ITSN2: variants seen among roughly 807,000 people sequenced by gnomAD.
ITSN2 encodes the protein intersectin 2.
A neutral mutation model predicts 243.7 loss-of-function variants in ITSN2; 156 were observed. The observed-to-expected ratio is 0.64, with a 90% CI of 0.56 to 0.73. The LOEUF (loss-of-function observed/expected upper bound fraction) is 0.73. Among genes scored for constraint, ITSN2 ranks in the 30% least tolerant of loss-of-function variants. ITSN2 has a pLI of 0.00. For synonymous variants in ITSN2, 703 were observed against 699.9 expected, an observed-to-expected ratio of 1.00 and a Z score of -0.07; for missense variants, 1,801 against 1,996.1, an observed-to-expected ratio of 0.90 and a Z score of 1.86.
At chr2:24,292,145 G>A (rs1680333702) in intron 15 of ITSN2, among the ~76,000 whole-genome samples, 1 of 152,072 alleles carries the variant, frequency 6.6e-6, no homozygotes. Flanking sequence ...GGCATCTAAG[G>A]GATACAGGGT....
chr2:24,278,508 T>C (rs1678318270), intron 17 of ITSN2, among the ~76,000 whole-genome samples: 3 of 152,184 alleles, frequency 2.0e-5, no homozygotes. Flanking sequence ...TCTATTTGAC[T>C]ATGGTGATGT....
chr2:24,244,224 T>C (rs2151276697), intron 29 of ITSN2, among the ~76,000 whole-genome samples: 1 of 152,292 alleles, frequency 6.6e-6, no homozygotes, highest in Admixed American at 6.5e-5. Flanking sequence ...GAATAAAAAA[T>C]TGTCACTCAA....
At chr2:24,355,099 C>T (rs1002173990) in intron 1 of ITSN2, among the ~76,000 whole-genome samples, 1 of 152,138 alleles carries the variant, frequency 6.6e-6, no homozygotes, top group Non-Finnish European at 1.5e-5. Flanking sequence ...CTCTCATATC[C>T]TTTAAGACCA....
chr2:24,311,039 G>A (rs1359320478), intron 5 of ITSN2, among the ~76,000 whole-genome samples: 2 of 151,680 alleles, frequency 1.3e-5, no homozygotes, highest in Non-Finnish European at 2.9e-5. Context: ...GGATAATACA[G>A]TGCTACTAAG....
Position 24,298,624 on chromosome 2 carries a change from C to T in ITSN2, c.1494+41G>A, listed in dbSNP as rs7559133. Reference sequence around the variant, plus strand: ...AATTACATTTTTCAACAGGTAGCTCCATCATCATTCAGATAAATTTCACTT... The same window carrying T: ...AATTACATTTTTCAACAGGTAGCTCTATCATCATTCAGATAAATTTCACTT... On this transcript the variant is annotated intron_variant, in intron 13 of 39. Transcript: ENST00000355123. 0.98 allele frequency: 1,538,625 copies of T among 1,569,724 alleles called. 754,142 individuals carry two copies. The highest frequency in any genetic ancestry group is 0.99 in the East Asian group (43,381 of 44,028).
At chr2:24,252,974 A>G (rs1674544743) in intron 24 of ITSN2, among the ~76,000 whole-genome samples, 1 of 152,222 alleles carries the variant, frequency 6.6e-6, no homozygotes, top group Non-Finnish European at 1.5e-5. Context: ...GAAACACTCA[A>G]TACCCAGAAG....
chr2:24,216,707 C>T (rs748328412), intron 31 of ITSN2, among the ~76,000 whole-genome samples: 2 of 151,342 alleles, frequency 1.3e-5, no homozygotes, highest in South Asian at 2.1e-4. Context: ...CAGTGAGCTA[C>T]GATCACACCA....
At chr2:24,345,574 A>T (rs1437226576) in intron 1 of ITSN2, among the ~76,000 whole-genome samples, 2 of 152,226 alleles carry the variant, frequency 1.3e-5, no homozygotes, top group Admixed American at 6.5e-5. Flanking sequence ...TAATAGACAC[A>T]TAATACATTA....
chr2:24,339,822 C>T (rs1012282194), intron 1 of ITSN2, among the ~76,000 whole-genome samples: 2 of 151,918 alleles, frequency 1.3e-5, no homozygotes, highest in Admixed American at 6.6e-5. Flanking sequence ...AGCCTAGGAG[C>T]TCAAGACTAG....
chr2:24,216,735 TGACAGAGTGA>T (rs1378395701), intron 31 of ITSN2, among the ~76,000 whole-genome samples: 1 of 151,118 alleles, frequency 6.6e-6, no homozygotes, highest in Non-Finnish European at 1.5e-5. Flanking sequence ...GCAGCTTGGG[TGACAGAGTGA>T]GACCTTGCCT....
At chr2:24,270,074 G>C (rs1168650084) in intron 20 of ITSN2, among the ~76,000 whole-genome samples, 1 of 152,148 alleles carries the variant, frequency 6.6e-6, no homozygotes, top group Non-Finnish European at 1.5e-5. Context: ...CAGGGGGAGC[G>C]GGGGAAAGAG....
Position 24,275,813 on chromosome 2 carries a change from G to C in ITSN2, c.1981C>G (p.Leu661Val). ...CGTTTGATCTTATAAAGCTGTTCAA[G>C]GGCTAACTGCTGTGTGTTGTAGGTT... Reference protein sequence around the residue: ...RETYNTQQLALEQLYKIKRDK... With the variant: ...RETYNTQQLAVEQLYKIKRDK... The change falls in exon 18 of 40, where the codon CTT becomes GTT. Residue 661 changes from leucine (L) to valine (V), a missense_variant. Coordinates refer to ENST00000355123, the MANE Select transcript of ITSN2 (RefSeq NM_006277.3). 6.2e-7 allele frequency: 1 copy of C among 1,612,320 alleles called. No homozygotes were observed. Among genetic ancestry groups the C allele is most frequent in the Non-Finnish European group, 8.5e-7 (1 of 1,178,900 alleles).
rs761529385 is a variant in ITSN2, at chr2:24,231,735, C to T, written c.3578-10669G>A. 3.3e-5 allele frequency among the ~76,000 whole-genome samples: 5 copies of T among 152,182 alleles called. No individual in the cohort carries two copies. In the East Asian group the frequency reaches 9.6e-4, roughly 29 times the overall value. ...ATTCCAGGAGGTAAAGGACAAAAGACAATCTGTGATGACGAACACAGAGAG... is the reference window on the plus strand; with the variant it reads ...ATTCCAGGAGGTAAAGGACAAAAGATAATCTGTGATGACGAACACAGAGAG... On this transcript the variant is annotated intron_variant, in intron 29 of 39. Transcript: ENST00000355123.
intron 1 of ITSN2, among the ~76,000 whole-genome samples, chr2:24,343,082 C>A (rs1420382841): frequency 4.0e-5 from 6 of 148,338 alleles, no homozygotes; most frequent in Admixed American, 6.7e-5. Flanking sequence ...CAGAGTGAGA[C>A]CCCATCTCAA....
intron 17 of ITSN2, among the ~76,000 whole-genome samples, chr2:24,277,609 G>A (rs1678178252): frequency 6.6e-6 from 1 of 152,180 alleles, no homozygotes; most frequent in African/African-American, 2.4e-5. Context: ...GTTTAGTGAT[G>A]AGGAGCATGG....
intron 1 of ITSN2, chr2:24,334,859 C>T (rs191018498): frequency 2.3e-5 from 13 of 577,742 alleles, no homozygotes; most frequent in Non-Finnish European, 3.9e-5. Flanking sequence ...GTCAGGAGAT[C>T]GAGACCATCC....
chr2:24,259,317 T>C (rs1210965915), intron 22 of ITSN2, among the ~76,000 whole-genome samples: 1 of 152,222 alleles, frequency 6.6e-6, no homozygotes, highest in Non-Finnish European at 1.5e-5. Context: ...TCTAAATCTA[T>C]CTCCTCTTTC....
chr2:24,301,847 T>C, intron 10 of ITSN2, 118 bp downstream of exon 10: 1 of 1,012,180 alleles, frequency 9.9e-7, no homozygotes, highest in Non-Finnish European at 1.4e-6. Context: ...ATATGTACCC[T>C]TTTCAAGTAT....
At chr2:24,210,719 G>C (rs569347426) in intron 34 of ITSN2, 61 bp downstream of exon 34, 2 of 1,524,374 alleles carry the variant, frequency 1.3e-6, no homozygotes, top group Non-Finnish European at 1.8e-6. Context: ...GGGAAGGCTC[G>C]GAGCTGGTTC....
Sources: gnomAD v4.1 joint callset for allele counts (sites outside exome capture counted in the v4.1 genomes callset) on GRCh38, gnomAD v4.1.1 for gene constraint, MANE v1.5 for transcripts, NCBI Gene and HGNC (gene_info 2026-07-23, HGNC 2026-07-21) for gene names.